The following SOX5 variants were observed in gnomAD, a reference collection of about 807,000 sequenced individuals.
SOX5 encodes the protein SRY-box transcription factor 5, also known as transcription factor SOX-5.
Under a neutral mutation model 92.0 loss-of-function variants are expected in SOX5, and 9 were observed. The observed-to-expected ratio is 0.10, with a 90% CI of 0.06 to 0.17. The LOEUF is 0.17. SOX5 is among the 10% of genes least tolerant of loss of function. The pLI, the probability that SOX5 is intolerant of heterozygous loss-of-function variation, is 1.00. For synonymous variants in SOX5, 344 were observed against 336.3 expected (o/e 1.02, Z -0.25); for missense variants, 642 against 944.5 (o/e 0.68, Z 4.20).
At chr12:23,535,475 C>T (rs918752206) in intron 14 of SOX5, among the ~76,000 whole-genome samples, 28 of 152,168 alleles carry the variant, frequency 1.8e-4, no homozygotes, top group African/African-American at 6.5e-4. Context: ...AACAAGAGAC[C>T]CTGTCTCCTC....
chr12:23,877,099 A>G (rs2096935826), intron 2 of SOX5, among the ~76,000 whole-genome samples: 1 of 152,120 alleles, frequency 6.6e-6, no homozygotes, highest in African/African-American at 2.4e-5. Flanking sequence ...TATGTAACAA[A>G]CCTGCACGTT....
chr12:24,018,433 C>A (rs1037829908), intron 4 of SOX5, among the ~76,000 whole-genome samples: 2 of 152,150 alleles, frequency 1.3e-5, no homozygotes, highest in African/African-American at 4.8e-5. Context: ...TACAGAAAAT[C>A]AGGCTTTGAA....
intron 3 of SOX5, among the ~76,000 whole-genome samples, chr12:23,811,890 T>A (rs1322461755): frequency 1.3e-5 from 2 of 152,096 alleles, no homozygotes; most frequent in Admixed American, 6.6e-5. Flanking sequence ...ACTCACTTTT[T>A]AAAAAAGACT....
At chr12:24,048,495 C>A (rs1444924729) in intron 4 of SOX5, among the ~76,000 whole-genome samples, 1 of 151,882 alleles carries the variant, frequency 6.6e-6, no homozygotes, top group African/African-American at 2.4e-5. Flanking sequence ...AGGCATATAC[C>A]CAAGAAAAAT....
In SOX5 at chr12:24,524,709, C is replaced by T. The variant is rs145222235; in HGVS notation, c.-251+37620G>A. ...ATTGAGAAATTAGAACTTTTGTACA[C>T]TGTTGATGGGAATGCAAAATGGTAC... On this transcript the variant is annotated intron_variant, in intron 1 of 4. Transcript: ENST00000446891. 8.9e-4 allele frequency among the ~76,000 whole-genome samples: 135 copies of T among 152,204 alleles called. 1 individual carries two copies. The Middle Eastern group carries it at 0.014, about 15-fold the overall frequency.
intron 4 of SOX5, among the ~76,000 whole-genome samples, chr12:24,196,944 A>T (rs1246593477): frequency 6.6e-6 from 1 of 152,098 alleles, no homozygotes; most frequent in Non-Finnish European, 1.5e-5. Flanking sequence ...TTAGGATACA[A>T]AAGAATAAAT....
At chr12:23,853,746 G>A (rs1236881438) in intron 2 of SOX5, among the ~76,000 whole-genome samples, 2 of 152,010 alleles carry the variant, frequency 1.3e-5, no homozygotes, top group African/African-American at 2.4e-5. Flanking sequence ...TAAAAACAAA[G>A]AACATTTTGT....
intron 1 of SOX5, among the ~76,000 whole-genome samples, chr12:24,400,264 GT>G (rs1340606037): frequency 3.6e-4 from 55 of 152,192 alleles, no homozygotes; most frequent in Non-Finnish European, 2.9e-5. Context: ...ATGCTAATTA[GT>G]TTTTAAATTT....
At position 23,949,626 on chromosome 12, in the gene SOX5, G is replaced by A; in HGVS notation, c.-25C>T. 6.2e-7 allele frequency: 1 copy of A among 1,613,678 alleles called. No homozygotes were observed. The highest frequency in any genetic ancestry group is 8.5e-7 in the Non-Finnish European group (1 of 1,179,744). ...TGCTGGAAAAGCACAATTTCCCTTT[G>A]TCACAGCAGCCACCTATGATCGTCT... On this transcript the variant is annotated 5_prime_UTR_variant, in exon 1 of 15. Coordinates refer to ENST00000451604, the MANE Select transcript of SOX5 (RefSeq NM_006940.6).
At chr12:24,194,850 C>T (rs557271816) in intron 4 of SOX5, among the ~76,000 whole-genome samples, 1 of 152,178 alleles carries the variant, frequency 6.6e-6, no homozygotes, top group South Asian at 2.1e-4. Context: ...TATGAATGAT[C>T]TCCAATTTAC....
chr12:23,674,497 C>G (rs2085342656), intron 6 of SOX5, among the ~76,000 whole-genome samples: 1 of 151,658 alleles, frequency 6.6e-6, no homozygotes, highest in East Asian at 1.9e-4. Flanking sequence ...ACCACCGCTT[C>G]CGGCTAAGTT....
At chr12:24,282,948 C>A (rs1412231984) in intron 2 of SOX5, among the ~76,000 whole-genome samples, 1 of 152,130 alleles carries the variant, frequency 6.6e-6, no homozygotes, top group African/African-American at 2.4e-5. Flanking sequence ...GTGTTTTAAA[C>A]ATCTATATTC....
Position 23,534,467 on chromosome 12 carries a change from C to T in SOX5, c.2044G>A (p.Ala682Thr), listed in dbSNP as rs528695217. 1.2e-5 allele frequency: 19 copies of T among 1,613,876 alleles called. No homozygotes were observed. In the South Asian group the frequency reaches 1.3e-4, roughly 11 times the overall value. ...TGAGGGGAGGGCATCCCAGCCATGG[C>T]GATGGCTCCAGGGTACACAACACCA... ...TAGVVYPGAI[A>T]MAGMPSPHLP... Residue 682 changes from alanine (A) to threonine (T), a missense_variant, in exon 15 of 15, where the codon GCC (alanine) becomes ACC (threonine). Physicochemically the swap from Ala to Thr is moderately conservative, Grantham distance 58 (BLOSUM62 0). Transcript: ENST00000451604.
intron 1 of SOX5, among the ~76,000 whole-genome samples, chr12:24,438,718 A>G (rs1939941898): frequency 6.6e-6 from 1 of 152,240 alleles, no homozygotes; most frequent in East Asian, 1.9e-4. Context: ...CAAGAGAACT[A>G]GAATTAGAAG....
intron 4 of SOX5, among the ~76,000 whole-genome samples, chr12:24,052,786 G>A (rs1957689739): frequency 6.6e-6 from 1 of 152,148 alleles, no homozygotes. Context: ...ACAATTTTAA[G>A]GAAGTGCTGA....
chr12:24,166,968 T>C (rs1267425552), intron 4 of SOX5, among the ~76,000 whole-genome samples: 2 of 152,184 alleles, frequency 1.3e-5, no homozygotes, highest in Non-Finnish European at 2.9e-5. Context: ...AGGAGTGAGA[T>C]GGAGGGTTAG....
At chr12:24,195,448 G>A (rs1263210324) in intron 4 of SOX5, among the ~76,000 whole-genome samples, 1 of 152,178 alleles carries the variant, frequency 6.6e-6, no homozygotes, top group East Asian at 1.9e-4. Context: ...ACTTTCACAT[G>A]AAGTAGTCAA....
rs867523301 is a variant in SOX5 at position 23,578,144 on chromosome 12, A to G, written c.1165-2306T>C. Among the ~76,000 whole-genome samples the G allele has an allele frequency of 8.4e-3, 1,134 of 134,944 alleles. 53 individuals carry two copies. Among genetic ancestry groups the G allele is most frequent in the Admixed American group, 0.056 (678 of 12,216 alleles). The allele number at this position is 134,944 out of a possible 152,430, so 88.5% of individuals were successfully genotyped here. Reference sequence around the variant, plus strand: ...AAAAAAAAAAAAAAAAAAAAAAAAAAAAAAAACTATAGGGGCAATATTATC... The same window carrying G: ...AAAAAAAAAAAAAAAAAAAAAAAAAGAAAAAACTATAGGGGCAATATTATC... On this transcript the variant is annotated intron_variant, in intron 9 of 14. Transcript: ENST00000451604.
rs148504747 is a variant in SOX5, at chr12:24,388,719, G to A, written c.-250-20080C>T. On this transcript the variant is annotated intron_variant, in intron 1 of 4. Coordinates refer to the SOX5 transcript ENST00000446891. ...TCACCACCAATTTTTGAACACTTTCGTCACCCCAGAAAGAAACTCCATGCC... is the reference window on the plus strand; with the variant it reads ...TCACCACCAATTTTTGAACACTTTCATCACCCCAGAAAGAAACTCCATGCC... Among the ~76,000 whole-genome samples, 52 of 152,030 alleles carry A rather than the reference G, an allele frequency of 3.4e-4. 1 individual carries two copies. Among genetic ancestry groups the A allele is most frequent in the African/African-American group, 9.4e-4 (39 of 41,474 alleles).
Sources: allele counts gnomAD v4.1 joint callset (sites outside exome capture counted in the v4.1 genomes callset), GRCh38; gene constraint gnomAD v4.1.1; transcripts MANE v1.5; gene names NCBI Gene and HGNC (gene_info 2026-07-23, HGNC 2026-07-21).